Variants in DOCK2 observed in about 807,000 individuals in gnomAD.
DOCK2 encodes dedicator of cytokinesis 2.
In DOCK2, 87 loss-of-function variants were observed where a neutral mutation model predicts 248.9. The ratio of observed to expected loss-of-function variants is 0.35; its 90% CI spans 0.29 to 0.42. DOCK2 has a LOEUF of 0.42. Ranked by LOEUF, DOCK2 falls within the 10% of genes least tolerant of loss-of-function variation. The pLI is 1.00. For missense variants in DOCK2, 1,747 were observed against 2,300.2 expected (o/e 0.76, Z 4.92); for synonymous variants, 805 against 821.6 (o/e 0.98, Z 0.35).
At chr5:169,637,666 T>C (rs1317867193) in intron 1 of DOCK2, among the ~76,000 whole-genome samples, 2 of 152,088 alleles carry the variant, frequency 1.3e-5, no homozygotes, top group Admixed American at 6.5e-5. Flanking sequence ...CGCGCCAAAC[T>C]CGGCGTCCCC....
chr5:169,946,677 C>G (rs1270117366), intron 27 of DOCK2, among the ~76,000 whole-genome samples: 2 of 152,198 alleles, frequency 1.3e-5, no homozygotes, highest in African/African-American at 2.4e-5. Context: ...TCTCCTGGAG[C>G]TACGTTCTAA....
chr5:169,677,416 T>C (rs1286685338), intron 6 of DOCK2, among the ~76,000 whole-genome samples: 2 of 152,320 alleles, frequency 1.3e-5, no homozygotes, highest in Middle Eastern at 3.4e-3. Flanking sequence ...CTGTGTCCAG[T>C]AGTTCACCTT....
At chr5:170,031,338 G>T (rs1315143858) in intron 34 of DOCK2, among the ~76,000 whole-genome samples, 1 of 152,176 alleles carries the variant, frequency 6.6e-6, no homozygotes, top group East Asian at 1.9e-4. Flanking sequence ...CAGAGAGGGG[G>T]AGTCTGGGAT....
At position 170,077,941 on chromosome 5, in the gene DOCK2, C is replaced by T. The variant is rs1042112727; in HGVS notation, c.4994+104C>T. On this transcript the variant is annotated intron_variant, in intron 48 of 51. Coordinates refer to ENST00000520908, the MANE Select transcript of DOCK2 (RefSeq NM_004946.3). ...GCAACATCCCTTCTACCTTTCCCTT[C>T]CTCCTTTCAGTTTAAAAGCCTTTTC... The T allele has an allele frequency of 5.2e-6, 5 of 954,120 alleles. No homozygotes were observed. The Admixed American group carries it at 1.1e-4, about 22-fold the overall frequency. The allele number at this position is 954,120 out of a possible 1,614,324, so 59.1% of individuals were successfully genotyped here. A position where few individuals can be genotyped will look rare whatever the true frequency, so the allele number is the denominator to read the frequency against.
intron 27 of DOCK2, among the ~76,000 whole-genome samples, chr5:169,980,988 A>C (rs1453151780): frequency 6.6e-6 from 1 of 152,142 alleles, no homozygotes; most frequent in Non-Finnish European, 1.5e-5. Flanking sequence ...TGTGGTGGTC[A>C]CTTGGCAGGG....
chr5:169,996,775 AG>A (rs1463663577), intron 30 of DOCK2, among the ~76,000 whole-genome samples: 1 of 152,194 alleles, frequency 6.6e-6, no homozygotes. Context: ...GATCCCCTCC[AG>A]GGAAGTCTCC....
intron 27 of DOCK2, among the ~76,000 whole-genome samples, chr5:169,963,794 T>TGG (rs547602818): frequency 1.5e-4 from 23 of 152,272 alleles, no homozygotes; most frequent in Non-Finnish European, 2.8e-4. Flanking sequence ...TCTAAGGCCC[T>TGG]GGCTCTTATC....
rs114528257 is a variant in DOCK2 at position 169,761,274 on chromosome 5, C to G, written c.2448-245C>G. On this transcript the variant is annotated intron_variant, in intron 24 of 51. Coordinates refer to ENST00000520908, the MANE Select transcript of DOCK2 (RefSeq NM_004946.3). ...ATGAATGCAAAATGCAAAGTGTGTG[C>G]TTGGTACACGGTAACTGCTCAGGGC... 416 of 408,580 alleles carry G rather than the reference C, an allele frequency of 1.0e-3. 2 individuals carry two copies. Among genetic ancestry groups the G allele is most frequent in the African/African-American group, 7.3e-3 (361 of 49,776 alleles). The allele number at this position is 408,580 out of a possible 1,614,324, so 25.3% of individuals were successfully genotyped here. A position where few individuals can be genotyped will look rare whatever the true frequency, so the allele number is the denominator to read the frequency against.
At chr5:170,033,419 T>C (rs1054548804) in intron 34 of DOCK2, among the ~76,000 whole-genome samples, 3 of 152,358 alleles carry the variant, frequency 2.0e-5, no homozygotes, top group Middle Eastern at 3.4e-3. Flanking sequence ...AAATGGAGGC[T>C]TTTCTTTCCT....
chr5:169,985,561 T>G (rs1475531627), intron 28 of DOCK2, among the ~76,000 whole-genome samples: 1 of 152,154 alleles, frequency 6.6e-6, no homozygotes, highest in Non-Finnish European at 1.5e-5. Context: ...CATCAATGAG[T>G]ACATTTACTT....
rs551635338 is a variant in DOCK2, at chr5:169,675,915, A to C, written c.470+1470A>C. Reference sequence around the variant, plus strand: ...GCTGATGCCCCATTGGCATCTGGCAAGCGTGTCCAAATCTGCTTATAAAGC... The same window carrying C: ...GCTGATGCCCCATTGGCATCTGGCACGCGTGTCCAAATCTGCTTATAAAGC... On this transcript the variant is annotated intron_variant, in intron 6 of 51. Transcript: ENST00000520908. Among the ~76,000 whole-genome samples, 4 of 152,338 alleles carry C rather than the reference A, an allele frequency of 2.6e-5. No homozygotes were observed. The South Asian group carries it at 8.3e-4, about 32-fold the overall frequency.
At chr5:169,717,959 G>A (rs1405418849) in intron 21 of DOCK2, among the ~76,000 whole-genome samples, 1 of 152,246 alleles carries the variant, frequency 6.6e-6, no homozygotes, top group African/African-American at 2.4e-5. Flanking sequence ...CTACTCGGGA[G>A]GCTGAGGCAG....
At chr5:170,008,289 T>C (rs1313054595) in intron 30 of DOCK2, among the ~76,000 whole-genome samples, 1 of 151,936 alleles carries the variant, frequency 6.6e-6, no homozygotes, top group Non-Finnish European at 1.5e-5. Flanking sequence ...GTGGACGTGG[T>C]AGCGCCTAGA....
intron 2 of DOCK2, among the ~76,000 whole-genome samples, chr5:169,661,203 A>C (rs1049759815): frequency 6.6e-6 from 1 of 152,188 alleles, no homozygotes; most frequent in African/African-American, 2.4e-5. Flanking sequence ...TTTATAGATG[A>C]GGGGACTGAG....
At chr5:169,753,631 G>A (rs892952311) in intron 23 of DOCK2, among the ~76,000 whole-genome samples, 31 of 152,116 alleles carry the variant, frequency 2.0e-4, no homozygotes, top group Admixed American at 1.6e-3. Context: ...AAACAATAGC[G>A]CAATTTCATT....
At chr5:170,015,454 G>T (rs1185693299) in intron 32 of DOCK2, among the ~76,000 whole-genome samples, 1 of 152,198 alleles carries the variant, frequency 6.6e-6, no homozygotes, top group African/African-American at 2.4e-5. Flanking sequence ...GGAGAGAATT[G>T]ATTGCCTGTT....
chr5:169,767,370 TGTTTA>T (rs1764852625), intron 25 of DOCK2, among the ~76,000 whole-genome samples: 1 of 152,252 alleles, frequency 6.6e-6, no homozygotes, highest in African/African-American at 2.4e-5. Flanking sequence ...TTGCTTTTGC[TGTTTA>T]GTTTAATTAG....
intron 27 of DOCK2, among the ~76,000 whole-genome samples, chr5:169,971,745 C>A (rs1777516337): frequency 6.6e-6 from 1 of 152,228 alleles, no homozygotes; most frequent in Non-Finnish European, 1.5e-5. Flanking sequence ...TAGGCAGGTG[C>A]CTGCATGGCA....
chr5:169,819,695 G>A (rs1295737997), intron 26 of DOCK2, among the ~76,000 whole-genome samples: 1 of 152,208 alleles, frequency 6.6e-6, no homozygotes, highest in Non-Finnish European at 1.5e-5. Flanking sequence ...CAGCGTGAGC[G>A]ACACAGAAGA....
Sources: gnomAD v4.1 joint callset for allele counts (sites outside exome capture counted in the v4.1 genomes callset) on GRCh38, gnomAD v4.1.1 for gene constraint, MANE v1.5 for transcripts, NCBI Gene and HGNC (gene_info 2026-07-23, HGNC 2026-07-21) for gene names.